GALNTL6: variants seen among roughly 807,000 people sequenced by gnomAD.
GALNTL6 encodes polypeptide N-acetylgalactosaminyltransferase-like 6.
In GALNTL6, 46 loss-of-function variants were observed where a neutral mutation model predicts 73.7. The ratio of observed to expected loss-of-function variants is 0.62; its 90% confidence interval spans 0.49 to 0.80. The LOEUF (loss-of-function observed/expected upper bound fraction) is 0.80. Ranked by LOEUF, GALNTL6 falls within the 30% of genes least tolerant of loss-of-function variation. The probability of loss-of-function intolerance (pLI) is 0.00; values close to 1 mark genes in which losing one functional copy is unlikely to be tolerated. For synonymous variants in GALNTL6, 259 were observed against 263.7 expected, an observed-to-expected ratio of 0.98 and a Z score of 0.17; for missense variants, 604 against 755.0, an observed-to-expected ratio of 0.80 and a Z score of 2.34.
chr4:172,195,163 C>T (rs1735718505), intron 2 of GALNTL6, among the ~76,000 whole-genome samples: 1 of 152,036 alleles, frequency 6.6e-6, no homozygotes, highest in African/African-American at 2.4e-5. Flanking sequence ...ACTGACAAAA[C>T]AGCCTTAAAT....
intron 2 of GALNTL6, among the ~76,000 whole-genome samples, chr4:172,005,050 C>G (rs951390858): frequency 1.3e-5 from 2 of 152,028 alleles, no homozygotes; most frequent in African/African-American, 4.8e-5. Flanking sequence ...ACAAATTGTA[C>G]TTTTAATATT....
At chr4:172,425,695 T>C (rs145910701) in intron 5 of GALNTL6, among the ~76,000 whole-genome samples, 16 of 152,154 alleles carry the variant, frequency 1.1e-4, no homozygotes, top group African/African-American at 3.4e-4. Flanking sequence ...GGCAAATAAG[T>C]TTAGGGATTC....
intron 2 of GALNTL6, among the ~76,000 whole-genome samples, chr4:171,827,476 G>T (rs897138353): frequency 2.0e-5 from 3 of 152,030 alleles, no homozygotes; most frequent in African/African-American, 7.2e-5. Context: ...TTCTTGTTCT[G>T]CACTCTCCCT....
chr4:171,820,792 A>G lies in GALNTL6; in HGVS notation c.138+6074A>G, dbSNP rs76536869. ...TATAATTAACACAATTGTTCTTGTT[A>G]TAGAGCATGATAGTAGCTACCACCT... On this transcript the variant is annotated intron_variant, in intron 2 of 12. Coordinates refer to ENST00000506823, the MANE Select transcript of GALNTL6 (RefSeq NM_001034845.3). 6.4e-4 allele frequency among the ~76,000 whole-genome samples: 98 copies of G among 152,288 alleles called. 1 individual carries two copies. In the Middle Eastern group the frequency reaches 0.017, roughly 26 times the overall value.
intron 5 of GALNTL6, among the ~76,000 whole-genome samples, chr4:172,372,818 G>A (rs1742869113): frequency 6.6e-6 from 1 of 152,116 alleles, no homozygotes; most frequent in African/African-American, 2.4e-5. Context: ...GGGATCCATA[G>A]TCGGCAAAAG....
chr4:172,088,487 T>C (rs1265989678), intron 2 of GALNTL6, among the ~76,000 whole-genome samples: 1 of 151,826 alleles, frequency 6.6e-6, no homozygotes, highest in Non-Finnish European at 1.5e-5. Context: ...GGAAGAAGAG[T>C]TAGGAGAAAT....
intron 2 of GALNTL6, among the ~76,000 whole-genome samples, chr4:172,056,222 T>C (rs1731015422): frequency 6.6e-6 from 1 of 152,180 alleles, no homozygotes; most frequent in Admixed American, 6.6e-5. Flanking sequence ...CTTGAACTTA[T>C]ATTTTCTGCA....
At chr4:172,346,199 C>T (rs75180744) in intron 4 of GALNTL6, among the ~76,000 whole-genome samples, 3,372 of 152,214 alleles carry the variant, frequency 0.022, 114 homozygotes, top group African/African-American at 0.075. Context: ...AGCTACACAC[C>T]CACATATATA....
intron 5 of GALNTL6, among the ~76,000 whole-genome samples, chr4:172,713,692 C>T (rs950722896): frequency 6.6e-6 from 1 of 152,062 alleles, no homozygotes; most frequent in African/African-American, 2.4e-5. Context: ...AGTCAGAAAC[C>T]AGGGAGTCTG....
chr4:172,926,284 T>C (rs1189045600), intron 8 of GALNTL6, among the ~76,000 whole-genome samples: 1 of 152,190 alleles, frequency 6.6e-6, no homozygotes, highest in Non-Finnish European at 1.5e-5. Context: ...CCAAGGACCC[T>C]ACCTCTGAAT....
intron 7 of GALNTL6, among the ~76,000 whole-genome samples, chr4:172,858,863 A>G (rs1441081003): frequency 6.6e-6 from 1 of 152,184 alleles, no homozygotes; most frequent in Non-Finnish European, 1.5e-5. Flanking sequence ...AGTTGTAACA[A>G]AGACAAATGA....
chr4:172,606,673 A>AC (rs1304725628), intron 5 of GALNTL6, among the ~76,000 whole-genome samples: 1 of 51,204 alleles, frequency 2.0e-5, no homozygotes, highest in African/African-American at 4.6e-5. Context: ...CTATATATAT[A>AC]TACTATATAT....
intron 5 of GALNTL6, among the ~76,000 whole-genome samples, chr4:172,654,892 C>T (rs151146156): frequency 1.2e-4 from 18 of 152,240 alleles, no homozygotes; most frequent in African/African-American, 4.1e-4. Flanking sequence ...GTAGTATTAA[C>T]CATTTAATCC....
rs142353530 is a variant in GALNTL6, at chr4:171,894,717, T to A, written c.138+79999T>A. ...AAGTTAAATGATTCAAGTGACAAAG[T>A]TGATACTGAATCGCCCCAAAATAGC... On this transcript the variant is annotated intron_variant, in intron 2 of 12. Transcript: ENST00000506823. 1.4e-3 allele frequency among the ~76,000 whole-genome samples: 210 copies of A among 152,298 alleles called. 1 individual carries two copies. Among genetic ancestry groups the A allele is most frequent in the African/African-American group, 4.8e-3 (200 of 41,560 alleles).
chr4:172,228,903 C>T (rs1736958129), intron 2 of GALNTL6, among the ~76,000 whole-genome samples: 1 of 152,124 alleles, frequency 6.6e-6, no homozygotes, highest in Non-Finnish European at 1.5e-5. Flanking sequence ...TTTGGAAAAG[C>T]ATAAACTATA....
intron 9 of GALNTL6, among the ~76,000 whole-genome samples, chr4:172,933,292 G>T (rs1293622482): frequency 1.3e-5 from 2 of 152,044 alleles, no homozygotes; most frequent in Admixed American, 6.6e-5. Flanking sequence ...GGGTGTGTAT[G>T]CTTGCTTCGT....
At chr4:172,426,605 A>G (rs1731239038) in intron 5 of GALNTL6, among the ~76,000 whole-genome samples, 1 of 152,186 alleles carries the variant, frequency 6.6e-6, no homozygotes, top group Non-Finnish European at 1.5e-5. Flanking sequence ...ACAGAACTTC[A>G]GATCCATGCA....
At chr4:171,864,201 T>G (rs574609024) in intron 2 of GALNTL6, among the ~76,000 whole-genome samples, 5 of 152,322 alleles carry the variant, frequency 3.3e-5, no homozygotes, top group African/African-American at 1.2e-4. Context: ...TATCTTATCT[T>G]TAAAGGAAAT....
chr4:172,348,185 G>C (rs1255228202), intron 4 of GALNTL6, among the ~76,000 whole-genome samples: 1 of 152,068 alleles, frequency 6.6e-6, no homozygotes, highest in African/African-American at 2.4e-5. Context: ...TGTGCTCCAT[G>C]GAAACAGTTT....
Sources: allele counts gnomAD v4.1 joint callset (sites outside exome capture counted in the v4.1 genomes callset), GRCh38; gene constraint gnomAD v4.1.1; transcripts MANE v1.5; gene names NCBI Gene and HGNC (gene_info 2026-07-23, HGNC 2026-07-21).